The following SLCO2A1 variants were observed in gnomAD, a reference collection of about 807,000 sequenced individuals.
The protein encoded by SLCO2A1 is matrin F/G 1.
In SLCO2A1, 60 loss-of-function variants were observed where a neutral mutation model predicts 71.7. That is an observed-to-expected ratio of 0.84 (90% CI 0.68 to 1.04). SLCO2A1 has a LOEUF of 1.04. Among genes scored for constraint, SLCO2A1 ranks in the 50% least tolerant of loss-of-function variants. The pLI is 0.00. For synonymous variants in SLCO2A1, 308 were observed against 326.7 expected (o/e 0.94, Z 0.62); for missense variants, 745 against 813.4 (o/e 0.92, Z 1.02).
At chr3:134,017,325 G>T (rs1935475614) in intron 1 of SLCO2A1, among the ~76,000 whole-genome samples, 1 of 152,036 alleles carries the variant, frequency 6.6e-6, no homozygotes. Flanking sequence ...AAAATAAAAA[G>T]TTTTTTTTCA....
intron 3 of SLCO2A1, among the ~76,000 whole-genome samples, chr3:133,962,362 G>A (rs1470528226): frequency 6.6e-6 from 1 of 152,148 alleles, no homozygotes; most frequent in East Asian, 1.9e-4. Flanking sequence ...TTATAGGCGT[G>A]AGCCACTGCG....
At chr3:133,976,961 C>G (rs1934474286) in intron 2 of SLCO2A1, among the ~76,000 whole-genome samples, 1 of 152,172 alleles carries the variant, frequency 6.6e-6, no homozygotes, top group South Asian at 2.1e-4. Flanking sequence ...CTACTGGGCC[C>G]CCAGAAGGCT....
At chr3:133,968,254 A>C (rs567823969) in intron 3 of SLCO2A1, among the ~76,000 whole-genome samples, 3 of 151,246 alleles carry the variant, frequency 2.0e-5, no homozygotes, top group Admixed American at 2.0e-4. Flanking sequence ...CTACTCATAG[A>C]CACGCCTCCC....
chr3:133,958,844 A>G (rs930284589), intron 3 of SLCO2A1, among the ~76,000 whole-genome samples: 1 of 152,198 alleles, frequency 6.6e-6, no homozygotes, highest in African/African-American at 2.4e-5. Flanking sequence ...ACAAAGTCTG[A>G]GTTCCCTAAA....
chr3:133,990,389 C>T (rs1044106451), intron 1 of SLCO2A1, among the ~76,000 whole-genome samples: 5 of 152,174 alleles, frequency 3.3e-5, no homozygotes, highest in African/African-American at 1.2e-4. Context: ...GAATCATAAA[C>T]CAATCTATTT....
intron 2 of SLCO2A1, among the ~76,000 whole-genome samples, chr3:133,974,405 G>A (rs1380613574): frequency 2.0e-5 from 3 of 152,176 alleles, no homozygotes; most frequent in Non-Finnish European, 4.4e-5. Flanking sequence ...ATCACTATGA[G>A]GTTAGGGCAT....
chr3:133,982,806 G>C (rs993056331), intron 1 of SLCO2A1, among the ~76,000 whole-genome samples: 2 of 151,956 alleles, frequency 1.3e-5, no homozygotes, highest in African/African-American at 4.8e-5. Context: ...CACCACCCCA[G>C]GGGGAGCTTT....
intron 6 of SLCO2A1, among the ~76,000 whole-genome samples, chr3:133,950,753 T>A (rs1259653741): frequency 6.6e-6 from 1 of 152,210 alleles, no homozygotes; most frequent in Middle Eastern, 3.2e-3. Flanking sequence ...TGGAAGGTCC[T>A]CTGCTCAAAA....
intron 8 of SLCO2A1, 22 bp from the exon 9 acceptor site, chr3:133,947,467 T>G: frequency 6.3e-7 from 1 of 1,583,382 alleles, no homozygotes; most frequent in Non-Finnish European, 8.6e-7. Context: ...AAGAAGGAGG[T>G]GATCCAGGTG....
intron 1 of SLCO2A1, among the ~76,000 whole-genome samples, chr3:134,000,520 C>T (rs966842095): frequency 3.9e-5 from 6 of 152,058 alleles, no homozygotes; most frequent in African/African-American, 9.7e-5. Context: ...CTGGGGAAGG[C>T]GGTGCAGGGA....
At chr3:133,962,477 G>C (rs1188385716) in intron 3 of SLCO2A1, among the ~76,000 whole-genome samples, 1 of 152,174 alleles carries the variant, frequency 6.6e-6, no homozygotes, top group Non-Finnish European at 1.5e-5. Flanking sequence ...AGGGATAGGA[G>C]TTCAAGGGGC....
At chr3:133,938,280 G>A in intron 12 of SLCO2A1, 149 bp downstream of exon 12, 1 of 725,824 alleles carries the variant, frequency 1.4e-6, no homozygotes, top group Admixed American at 2.0e-5. Flanking sequence ...CCGTCCACAT[G>A]GATTTTGGCA....
At chr3:133,948,407 C>A in intron 8 of SLCO2A1, 129 bp downstream of exon 8, 1 of 904,734 alleles carries the variant, frequency 1.1e-6, no homozygotes. Flanking sequence ...ATTCTTTCTC[C>A]TGGGCAGTCC....
At position 133,934,835 on chromosome 3, in the gene SLCO2A1, G is replaced by A. The variant is rs1373915677; in HGVS notation, c.1815-5C>T. 6.2e-7 allele frequency: 1 copy of A among 1,607,856 alleles called. No individual in the cohort carries two copies. The highest frequency in any genetic ancestry group is 8.5e-7 in the Non-Finnish European group (1 of 1,178,870). On this transcript the variant is annotated splice_polypyrimidine_tract_variant and splice_region_variant and intron_variant, in intron 13 of 13. Transcript: ENST00000310926. The stretch of plus-strand genomic sequence containing the variant: ...CCCATCTGCAGGCCCAGGTACCTGT[G>A]GGCAGGAGGAGGCAGGACTGGTGAG...
intron 3 of SLCO2A1, among the ~76,000 whole-genome samples, chr3:133,966,185 C>A (rs1474454037): frequency 6.6e-6 from 1 of 152,180 alleles, no homozygotes; most frequent in Non-Finnish European, 1.5e-5. Flanking sequence ...CACAGCCACG[C>A]CCACTTGCTT....
chr3:133,982,071 CAA>C (rs1934607084), intron 1 of SLCO2A1, among the ~76,000 whole-genome samples: 1 of 151,536 alleles, frequency 6.6e-6, no homozygotes, highest in Non-Finnish European at 1.5e-5. Context: ...GAAGGAAAGA[CAA>C]GAGCCACATT....
At chr3:134,021,241 CA>C (rs1448440090) in intron 1 of SLCO2A1, among the ~76,000 whole-genome samples, 5 of 152,072 alleles carry the variant, frequency 3.3e-5, no homozygotes, top group African/African-American at 1.2e-4. Flanking sequence ...AGGTCAGGCA[CA>C]AATAAGCCCA....
chr3:134,028,125 G>A (rs1309182224), intron 1 of SLCO2A1, among the ~76,000 whole-genome samples: 1 of 152,132 alleles, frequency 6.6e-6, no homozygotes, highest in Non-Finnish European at 1.5e-5. Context: ...GGGAACCAGG[G>A]TGGGTCTAAA....
chr3:133,948,444 C>T, intron 8 of SLCO2A1, 92 bp downstream of exon 8: 1 of 1,351,908 alleles, frequency 7.4e-7, no homozygotes, highest in East Asian at 2.3e-5. Flanking sequence ...TATGTCCGGT[C>T]TGGCCTGCGC....
Sources: gnomAD v4.1 joint callset for allele counts (sites outside exome capture counted in the v4.1 genomes callset) on GRCh38, gnomAD v4.1.1 for gene constraint, MANE v1.5 for transcripts, NCBI Gene and HGNC (gene_info 2026-07-23, HGNC 2026-07-21) for gene names.